RTN4: variants seen among roughly 807,000 people sequenced by gnomAD.
RTN4 encodes reticulon-4.
A neutral mutation model predicts 90.4 loss-of-function variants in RTN4; 32 were observed. That is an observed-to-expected ratio of 0.35 (90% CI 0.27 to 0.48). The LOEUF (loss-of-function observed/expected upper bound fraction) is 0.48, where lower values mean the gene tolerates loss of function less well. RTN4 is among the 20% of genes least tolerant of loss of function. RTN4 has a pLI of 0.99. For missense variants in RTN4, 1,706 were observed against 1,430.2 expected (o/e 1.19, Z -3.11); for synonymous variants, 629 against 552.5 (o/e 1.14, Z -1.94).
intron 1 of RTN4, chr2:55,049,542 G>C: frequency 1.2e-6 from 1 of 822,328 alleles, no homozygotes; most frequent in Non-Finnish European, 2.0e-6. Flanking sequence ...AACCAAGACG[G>C]ACAATAAGAA....
chr2:55,040,143 T>C (rs1682974170), intron 1 of RTN4, among the ~76,000 whole-genome samples: 1 of 152,100 alleles, frequency 6.6e-6, no homozygotes, highest in African/African-American at 2.4e-5. Flanking sequence ...CTTGATCTTC[T>C]ATATTCTGAT....
intron 3 of RTN4, among the ~76,000 whole-genome samples, chr2:55,016,484 G>C (rs1341160902): frequency 6.6e-6 from 1 of 152,136 alleles, no homozygotes; most frequent in Non-Finnish European, 1.5e-5. Context: ...TCGGGAGGCT[G>C]AGGCACGAGA....
chr2:55,096,282 C>T (rs912054459), intron 1 of RTN4, among the ~76,000 whole-genome samples: 8 of 151,846 alleles, frequency 5.3e-5, no homozygotes, highest in Admixed American at 2.0e-4. Flanking sequence ...GCCAATATCA[C>T]ACCATTGCAC....
At chr2:55,049,665 C>T (rs745588013) in intron 1 of RTN4, 80 bp downstream of exon 1, 5 of 1,521,534 alleles carry the variant, frequency 3.3e-6, no homozygotes, top group Admixed American at 4.4e-5. Context: ...GAGGAGGGAC[C>T]AGCCCAAAGC....
At chr2:55,103,851 C>T (rs1471805223) in intron 1 of RTN4, among the ~76,000 whole-genome samples, 1 of 151,856 alleles carries the variant, frequency 6.6e-6, no homozygotes, top group Non-Finnish European at 1.5e-5. Context: ...CCCACCACCA[C>T]ACCCGCCTAA....
chr2:55,043,221 G>A (rs1683191547), intron 1 of RTN4, among the ~76,000 whole-genome samples: 2 of 152,146 alleles, frequency 1.3e-5, no homozygotes, highest in Non-Finnish European at 2.9e-5. Context: ...CCCTAGTGCT[G>A]TCATCCTCAG....
chr2:55,134,595 A>G, the RTN4 span, among the ~76,000 whole-genome samples: 2 of 152,234 alleles, frequency 1.3e-5, no homozygotes, highest in Admixed American at 1.3e-4. Context: ...GTTCTCAGAA[A>G]GCAAATATGC....
chr2:55,128,730 A>C, the RTN4 span, among the ~76,000 whole-genome samples: 48 of 152,282 alleles, frequency 3.2e-4, no homozygotes, highest in African/African-American at 1.1e-3. Context: ...AAAATATCTG[A>C]AGCAGGTATT....
intron 2 of RTN4, among the ~76,000 whole-genome samples, chr2:55,064,151 G>A (rs979426836): frequency 2.7e-5 from 4 of 149,940 alleles, no homozygotes; most frequent in Middle Eastern, 3.4e-3. Flanking sequence ...GAACTCAGGA[G>A]TGGCACCATG....
At chr2:55,007,016 G>A (rs542599491) in intron 3 of RTN4, among the ~76,000 whole-genome samples, 3 of 152,084 alleles carry the variant, frequency 2.0e-5, no homozygotes, top group East Asian at 1.9e-4. Flanking sequence ...CTGAGCTTCC[G>A]AGATGTTCTA....
chr2:55,029,805 AG>A (rs1682171240), intron 1 of RTN4, among the ~76,000 whole-genome samples: 1 of 152,184 alleles, frequency 6.6e-6, no homozygotes, highest in East Asian at 1.9e-4. Flanking sequence ...ATCCAGTCAA[AG>A]GGGTAACATA....
intron 3 of RTN4, among the ~76,000 whole-genome samples, chr2:55,016,341 G>A (rs1681035281): frequency 6.6e-6 from 1 of 152,172 alleles, no homozygotes; most frequent in African/African-American, 2.4e-5. Context: ...CCAGCACTTT[G>A]GGAGGCCAAG....
At position 55,107,600 on chromosome 2, in the gene RTN4, G is replaced by T. The variant is rs956039231; in HGVS notation, c.-214+4920C>A. ...AAGAAGCTCTTATTTGAACAACAAG[G>T]CTGGTATTTATAGAATAAGTTCAGG... On this transcript the variant is annotated intron_variant, in intron 1 of 3. Transcript: ENST00000427710. Among the ~76,000 whole-genome samples the T allele has an allele frequency of 5.9e-5, 9 of 151,932 alleles. No individual in the cohort carries two copies. The East Asian group carries it at 1.7e-3, about 29-fold the overall frequency.
At chr2:55,001,868 A>T (rs377143704) in intron 3 of RTN4, among the ~76,000 whole-genome samples, 3 of 152,208 alleles carry the variant, frequency 2.0e-5, no homozygotes, top group African/African-American at 7.2e-5. Context: ...GTGCTAGTAT[A>T]CAATTTTGTG....
intron 3 of RTN4, among the ~76,000 whole-genome samples, chr2:55,017,885 AAAAGCAG>A (rs1681157327): frequency 6.6e-6 from 1 of 152,210 alleles, no homozygotes; most frequent in African/African-American, 2.4e-5. Flanking sequence ...GATATATGAT[AAAAGCAG>A]TAGCACCTTG....
chr2:55,117,991 T>C, the RTN4 span, among the ~76,000 whole-genome samples: 3 of 152,252 alleles, frequency 2.0e-5, no homozygotes, highest in Non-Finnish European at 2.9e-5. Flanking sequence ...CTGTGTGTTA[T>C]ATTTCATAAT....
chr2:55,033,026 C>G (rs1281836058), intron 1 of RTN4, among the ~76,000 whole-genome samples: 1 of 148,438 alleles, frequency 6.7e-6, no homozygotes, highest in Non-Finnish European at 1.5e-5. Flanking sequence ...AAGACCCTGT[C>G]TCTTTAAAAA....
intron 3 of RTN4, 122 bp from the exon 4 acceptor site, chr2:54,987,820 A>C (rs1373442405): frequency 3.9e-6 from 3 of 765,366 alleles, no homozygotes; most frequent in Non-Finnish European, 6.4e-6. Context: ...TTAAAGAAAC[A>C]CTAAGTTAAA....
At position 55,027,258 on chromosome 2, in the gene RTN4, T is replaced by C. The variant is rs764723064; in HGVS notation, c.841A>G (p.Lys281Glu). ...AAATCTCTATCTATGAGTAGAGTTT[T>C]TGCCTTCTCTGAGACCTCTTTAGAA... ...EASKEVSEKA[K>E]TLLIDRDLTE... The change falls in exon 3 of 9, where the codon AAA becomes GAA. Residue 281 changes from lysine (K) to glutamate (E), a missense_variant. Physicochemically the swap from Lys to Glu is moderately conservative, Grantham distance 56. Coordinates refer to ENST00000337526, the MANE Select transcript of RTN4 (RefSeq NM_020532.5). 9 of 1,613,662 alleles carry C rather than the reference T, an allele frequency of 5.6e-6. No individual in the cohort carries two copies. The East Asian group carries it at 1.3e-4, about 24-fold the overall frequency.
Sources: allele counts gnomAD v4.1 joint callset (sites outside exome capture counted in the v4.1 genomes callset), GRCh38; gene constraint gnomAD v4.1.1; transcripts MANE v1.5; gene names NCBI Gene and HGNC (gene_info 2026-07-23, HGNC 2026-07-21).